Variants in CCBE1 observed in about 807,000 individuals in gnomAD.
The protein encoded by CCBE1 is collagen and calcium binding EGF domains 1.
In CCBE1, 37 loss-of-function variants were observed where a neutral mutation model predicts 50.0. That is an observed-to-expected ratio of 0.74 (90% CI 0.57 to 0.97). CCBE1 has a LOEUF of 0.97. CCBE1 is among the 50% of genes least tolerant of loss of function. The pLI, the probability that CCBE1 is intolerant of heterozygous loss-of-function variation, is 0.00. For synonymous variants in CCBE1, 234 were observed against 203.7 expected (o/e 1.15, Z -1.27); for missense variants, 538 against 523.8 (o/e 1.03, Z -0.26).
At chr18:59,595,399 C>A (rs1429094298) in intron 2 of CCBE1, among the ~76,000 whole-genome samples, 1 of 152,114 alleles carries the variant, frequency 6.6e-6, no homozygotes, top group Non-Finnish European at 1.5e-5. Context: ...CCTCAGTTTC[C>A]TCATCTGAGA....
chr18:59,648,700 T>C (rs1245315439), intron 2 of CCBE1, among the ~76,000 whole-genome samples: 1 of 152,022 alleles, frequency 6.6e-6, no homozygotes, highest in Non-Finnish European at 1.5e-5. Flanking sequence ...AGACCCTGTC[T>C]CAAAAGAACG....
chr18:59,638,930 T>C (rs1378523521), intron 2 of CCBE1, among the ~76,000 whole-genome samples: 1 of 152,202 alleles, frequency 6.6e-6, no homozygotes, highest in East Asian at 1.9e-4. Flanking sequence ...ACAAGAAATC[T>C]AATTTGAGAG....
At chr18:59,511,750 T>G (rs1395134227) in intron 2 of CCBE1, among the ~76,000 whole-genome samples, 6 of 152,222 alleles carry the variant, frequency 3.9e-5, no homozygotes, top group African/African-American at 1.2e-4. Context: ...CCTCTCTTCA[T>G]AAGAGATTGA....
intron 2 of CCBE1, among the ~76,000 whole-genome samples, chr18:59,547,156 G>A (rs1182715321): frequency 6.6e-6 from 1 of 150,594 alleles, no homozygotes. Context: ...GGGAGGGAGA[G>A]GGAAAAGGAG....
In CCBE1 at chr18:59,435,677, T is replaced by C; in HGVS notation, c.*231A>G. On this transcript the variant is annotated 3_prime_UTR_variant, in exon 11 of 11. Coordinates refer to ENST00000439986, the MANE Select transcript of CCBE1 (RefSeq NM_133459.4). Reference sequence around the variant, plus strand: ...TACAATGCAAACCACCCCAATGGACTCTTAGTGAGAAGCAGGTAAATCAAT... The same window carrying C: ...TACAATGCAAACCACCCCAATGGACCCTTAGTGAGAAGCAGGTAAATCAAT... 1.7e-6 allele frequency: 1 copy of C among 593,794 alleles called. No individual in the cohort carries two copies. The highest frequency in any genetic ancestry group is 3.0e-6 in the Non-Finnish European group (1 of 334,176). 36.8% of individuals were successfully genotyped at this position (593,794 alleles called of 1,614,324 possible).
intron 2 of CCBE1, among the ~76,000 whole-genome samples, chr18:59,598,154 C>T (rs2053381867): frequency 6.6e-6 from 1 of 152,136 alleles, no homozygotes; most frequent in Admixed American, 6.5e-5. Context: ...AGAGAGCATA[C>T]CAGCTAGCTT....
intron 2 of CCBE1, among the ~76,000 whole-genome samples, chr18:59,623,295 A>G (rs2053736537): frequency 6.6e-6 from 1 of 152,136 alleles, no homozygotes; most frequent in South Asian, 2.1e-4. Context: ...TTCTGTGTCT[A>G]TCTTGGGTCC....
intron 2 of CCBE1, among the ~76,000 whole-genome samples, chr18:59,538,011 G>T (rs982127192): frequency 6.6e-6 from 1 of 152,128 alleles, no homozygotes; most frequent in Non-Finnish European, 1.5e-5. Flanking sequence ...CTATTTTTTG[G>T]AATATGCTTA....
chr18:59,674,463 C>G (rs2054472777), intron 2 of CCBE1, among the ~76,000 whole-genome samples: 1 of 152,040 alleles, frequency 6.6e-6, no homozygotes, highest in South Asian at 2.1e-4. Context: ...ACACTGGGGC[C>G]TGTCGGTGGG....
chr18:59,588,380 C>T lies in CCBE1; in HGVS notation c.213-108142G>A, dbSNP rs148271640. On this transcript the variant is annotated intron_variant, in intron 2 of 10. Transcript: ENST00000439986. ...AGTTTGAGACCAGCTTGGGAAACTT[C>T]GTGAGACCCCATCTCATTATAAAGA... Among the ~76,000 whole-genome samples the T allele has an allele frequency of 3.3e-5, 5 of 152,078 alleles. No individual in the cohort carries two copies. In the East Asian group the frequency reaches 7.7e-4, roughly 24 times the overall value.
chr18:59,595,593 C>G (rs1311069013), intron 2 of CCBE1, among the ~76,000 whole-genome samples: 1 of 152,202 alleles, frequency 6.6e-6, no homozygotes, highest in Non-Finnish European at 1.5e-5. Flanking sequence ...GTATCTTTCC[C>G]ATTTTCTTGG....
intron 2 of CCBE1, among the ~76,000 whole-genome samples, chr18:59,694,875 T>G (rs988160960): frequency 2.6e-5 from 4 of 152,228 alleles, no homozygotes; most frequent in Middle Eastern, 3.2e-3. Flanking sequence ...AAGCATCGTT[T>G]CCCATTCCTT....
At chr18:59,491,087 C>T (rs1913076862) in intron 2 of CCBE1, among the ~76,000 whole-genome samples, 2 of 152,194 alleles carry the variant, frequency 1.3e-5, no homozygotes, top group South Asian at 2.1e-4. Context: ...TGATTTTATC[C>T]TTAGCTCTCT....
chr18:59,453,909 A>T (rs146622188), intron 6 of CCBE1, among the ~76,000 whole-genome samples: 1 of 152,136 alleles, frequency 6.6e-6, no homozygotes, highest in Non-Finnish European at 1.5e-5. Context: ...ATCCCGGGGC[A>T]TTACTCACAG....
intron 2 of CCBE1, among the ~76,000 whole-genome samples, chr18:59,613,607 A>T (rs1300285533): frequency 6.6e-6 from 1 of 152,160 alleles, no homozygotes; most frequent in African/African-American, 2.4e-5. Context: ...AATTAAAAAT[A>T]TCAATATAGA....
At chr18:59,648,197 T>C (rs761594197) in intron 2 of CCBE1, among the ~76,000 whole-genome samples, 1 of 152,228 alleles carries the variant, frequency 6.6e-6, no homozygotes, top group East Asian at 1.9e-4. Context: ...ACTCAGTAAG[T>C]GTGAGGCAGC....
intron 2 of CCBE1, among the ~76,000 whole-genome samples, chr18:59,504,756 A>T (rs751361840): frequency 2.3e-4 from 35 of 152,134 alleles, no homozygotes; most frequent in Admixed American, 4.6e-4. Flanking sequence ...ACTTATCTAA[A>T]TTCTGCCCAC....
At chr18:59,458,226 AG>A (rs1459756233) in intron 5 of CCBE1, among the ~76,000 whole-genome samples, 1 of 145,538 alleles carries the variant, frequency 6.9e-6, no homozygotes, top group East Asian at 2.0e-4. Context: ...CTTATCAATA[AG>A]TCTGTCCATC....
intron 2 of CCBE1, among the ~76,000 whole-genome samples, chr18:59,644,823 A>T (rs78496560): frequency 6.6e-6 from 1 of 152,168 alleles, no homozygotes; most frequent in Non-Finnish European, 1.5e-5. Context: ...CTACATTTTA[A>T]AAAAGTCATT....
Sources: gnomAD v4.1 joint callset for allele counts (sites outside exome capture counted in the v4.1 genomes callset) on GRCh38, gnomAD v4.1.1 for gene constraint, MANE v1.5 for transcripts, NCBI Gene and HGNC (gene_info 2026-07-23, HGNC 2026-07-21) for gene names.